Variants in NOX1 observed in about 807,000 individuals in gnomAD.
NOX1 encodes the protein NADH/NADPH mitogenic oxidase subunit P65-MOX.
A neutral mutation model predicts 42.5 loss-of-function variants in NOX1; 34 were observed. That is an observed-to-expected ratio of 0.80 (90% CI 0.61 to 1.07). The LOEUF (loss-of-function observed/expected upper bound fraction) is 1.07, where lower values mean the gene tolerates loss of function less well. Among genes scored for constraint, NOX1 ranks in the 50% least tolerant of loss-of-function variants. The probability of loss-of-function intolerance (pLI) is 0.00; values close to 1 mark genes in which losing one functional copy is unlikely to be tolerated. For missense variants in NOX1, 408 were observed against 427.0 expected (o/e 0.96, Z 0.39); for synonymous variants, 143 against 152.5 (o/e 0.94, Z 0.46).
intron 9 of NOX1, 61 bp from the exon 10 acceptor site, chrX:100,849,995 A>G: frequency 9.3e-7 from 1 of 1,075,743 alleles, no homozygotes; most frequent in South Asian, 2.2e-5. Flanking sequence ...AACCTCAAAC[A>G]TCCTCCCAGA....
chrX:100,871,519 T>G (rs746660448), intron 1 of NOX1, among the ~76,000 whole-genome samples: 1 of 112,712 alleles, frequency 8.9e-6, no homozygotes, highest in African/African-American at 3.2e-5. Flanking sequence ...ACACACATTT[T>G]TCTGTTTTCA....
At chrX:100,852,982 A>G (rs1005576459) in intron 7 of NOX1, among the ~76,000 whole-genome samples, 60 of 112,171 alleles carry the variant, frequency 5.3e-4, no homozygotes, top group African/African-American at 1.8e-3. Flanking sequence ...TTGAACATGC[A>G]TTTCACAGGG....
chrX:100,851,299 G>C lies in NOX1; in HGVS notation c.831C>G (p.Val277=). 8.4e-7 allele frequency: 1 copy of C among 1,188,923 alleles called. No homozygotes were observed. Among genetic ancestry groups the C allele is most frequent in the Non-Finnish European group, 1.1e-6 (1 of 878,466 alleles). ...GGATCCTTTCACAGATATAAAGAAT[G>C]ACCGGTGCAAGGATCCACTTCCAAG... The part of the protein sequence containing the change: ...PESWKWILAP[V]ILYICERILR... The change falls in exon 8 of 13, where the codon GTC becomes GTG. Residue 277 remains valine, a synonymous_variant. Coordinates refer to ENST00000372966, the MANE Select transcript of NOX1 (RefSeq NM_007052.5).
intron 1 of NOX1, among the ~76,000 whole-genome samples, chrX:100,871,154 G>T (rs1174261428): frequency 1.8e-5 from 2 of 112,253 alleles, no homozygotes; most frequent in Non-Finnish European, 3.8e-5. Context: ...TGTGGCATGT[G>T]AAAGTTATAT....
chrX:100,862,685 A>T lies in NOX1; in HGVS notation c.473T>A (p.Ile158Asn). Reference protein sequence around the residue: ...EKKGGSWLNPIQSRNTTVEYV... With the variant: ...EKKGGSWLNPNQSRNTTVEYV... Reference sequence around the variant, plus strand: ...TCAACTCACCGTGTTTCGGGACTGGATGGGATTTAGCCAAGAACCCCCCTT... The same window carrying T: ...TCAACTCACCGTGTTTCGGGACTGGTTGGGATTTAGCCAAGAACCCCCCTT... The change falls in exon 5 of 13, where the codon ATC becomes AAC. Residue 158 changes from isoleucine (I) to asparagine (N), a missense_variant. Transcript: ENST00000372966. 1 of 1,195,657 alleles carries T rather than the reference A, an allele frequency of 8.4e-7. No individual in the cohort carries two copies. Among genetic ancestry groups the T allele is most frequent in the Non-Finnish European group, 1.1e-6 (1 of 889,715 alleles).
chrX:100,870,626 CT>C, intron 2 of NOX1, 92 bp downstream of exon 2: 1 of 632,775 alleles, frequency 1.6e-6, no homozygotes, highest in Non-Finnish European at 2.6e-6. Context: ...AACCCTAGCC[CT>C]AGAGAATATC....
In NOX1 at chrX:100,849,659, T is replaced by C. The variant is rs2085098944; in HGVS notation, c.1296+113A>G. On this transcript the variant is annotated intron_variant, in intron 10 of 12. Transcript: ENST00000372966. The stretch of plus-strand genomic sequence containing the variant: ...CTGGCCAAGAGAAGTGATCACTTAT[T>C]CTCATAACTCCAGGGATAGGTTGCT... 6 of 765,162 alleles carry C rather than the reference T, an allele frequency of 7.8e-6. No homozygotes were observed. The South Asian group carries it at 1.7e-4, about 22-fold the overall frequency. The allele number at this position is 765,162 out of a possible 1,213,427, so 63.1% of individuals were successfully genotyped here. A position where few individuals can be genotyped will look rare whatever the true frequency, so the allele number is the denominator to read the frequency against.
chrX:100,873,780 A>G (rs1257738805), intron 1 of NOX1, among the ~76,000 whole-genome samples: 1 of 111,707 alleles, frequency 9.0e-6, no homozygotes, highest in East Asian at 2.8e-4. Flanking sequence ...TCTTGATGGG[A>G]CCAGTATAGG....
chrX:100,862,904 A>AGT, intron 4 of NOX1, 84 bp from the exon 5 acceptor site: 1 of 902,069 alleles, frequency 1.1e-6, no homozygotes, highest in Non-Finnish European at 1.6e-6. Context: ...GAAGAATCCT[A>AGT]CATTATAGTG....
chrX:100,848,615 G>A lies in NOX1; in HGVS notation c.1568+15C>T. The A allele has an allele frequency of 8.3e-7, 1 of 1,206,802 alleles. No homozygotes were observed. The highest frequency in any genetic ancestry group is 1.1e-6 in the Non-Finnish European group (1 of 892,254). Reference sequence around the variant, plus strand: ...GCCCCTGTAAACTCATCTTACTAGAGGAAAATATACTTACTTGGGGTGGGA... The same window carrying A: ...GCCCCTGTAAACTCATCTTACTAGAAGAAAATATACTTACTTGGGGTGGGA... On this transcript the variant is annotated intron_variant, in intron 12 of 12. Coordinates refer to ENST00000372966, the MANE Select transcript of NOX1 (RefSeq NM_007052.5).
At chrX:100,873,527 A>G (rs2085288751) in intron 1 of NOX1, among the ~76,000 whole-genome samples, 2 of 112,361 alleles carry the variant, frequency 1.8e-5, no homozygotes. Context: ...AAATAAAAAT[A>G]TGTAAATTAG....
Position 100,843,953 on chromosome X carries a change from C to A in NOX1, c.1694G>T (p.Ter565LeuextTer30). Residue 565 changes from the stop codon to leucine (L), a stop_lost, in exon 13 of 13, where the codon TGA (stop) becomes TTA (leucine). Transcript: ENST00000372966. ...GATTACCGTCCTTATTCCTATAACT[C>A]AAAAATTTTCTTTGTTGAAGTAGAA... ...VQFYFNKENF[*>L] 8.3e-7 allele frequency: 1 copy of A among 1,203,233 alleles called. No individual in the cohort carries two copies. Among genetic ancestry groups the A allele is most frequent in the Non-Finnish European group, 1.1e-6 (1 of 888,847 alleles).
At position 100,851,292 on chromosome X, in the gene NOX1, A is replaced by T. The variant is rs1289739540; in HGVS notation, c.838T>A (p.Tyr280Asn). The T allele has an allele frequency of 8.4e-7, 1 of 1,194,403 alleles. No homozygotes were observed. Among genetic ancestry groups the T allele is most frequent in the Non-Finnish European group, 1.1e-6 (1 of 882,643 alleles). The change falls in exon 8 of 13, where the codon TAT becomes AAT. Residue 280 changes from tyrosine to asparagine, a missense_variant. By Grantham distance (143) the Tyr-to-Asn change is moderately radical. Coordinates refer to ENST00000372966, the MANE Select transcript of NOX1 (RefSeq NM_007052.5). The part of the protein sequence containing the change: ...WKWILAPVIL[Y>N]ICERILRFYR... ...AACCGGAGGATCCTTTCACAGATAT[A>T]AAGAATGACCGGTGCAAGGATCCAC...
In NOX1 at chrX:100,862,532, A is replaced by G. The variant is rs1602390652; in HGVS notation, c.531T>C (p.Thr177=). 1 of 1,211,117 alleles carries G rather than the reference A, an allele frequency of 8.3e-7. No individual in the cohort carries two copies. Among genetic ancestry groups the G allele is most frequent in the Admixed American group, 2.2e-5 (1 of 46,021 alleles). ...YVTFTSIAGL[T]GVIMTIALIL... ...TCAAGGCTATTGTCATGATCACTCCAGTGAGACCAGCAATGCTGGTGAATG... is the reference window on the plus strand; with the variant it reads ...TCAAGGCTATTGTCATGATCACTCCGGTGAGACCAGCAATGCTGGTGAATG... The change falls in exon 6 of 13, where the codon ACT becomes ACC. Residue 177 remains threonine, a synonymous_variant. Coordinates refer to ENST00000372966, the MANE Select transcript of NOX1 (RefSeq NM_007052.5).
chrX:100,856,500 G>T, intron 7 of NOX1: 1 of 315,886 alleles, frequency 3.2e-6, no homozygotes, highest in Non-Finnish European at 5.6e-6. Context: ...CAGATCCCTG[G>T]TTATGATCTT....
chrX:100,847,621 C>A (rs2085082325), intron 12 of NOX1, among the ~76,000 whole-genome samples: 1 of 109,005 alleles, frequency 9.2e-6, no homozygotes, highest in Admixed American at 9.9e-5. Context: ...AACAAATTAG[C>A]TGGGCATGGT....
At chrX:100,869,049 T>C (rs750702061) in intron 2 of NOX1, among the ~76,000 whole-genome samples, 372 of 111,585 alleles carry the variant, frequency 3.3e-3, no homozygotes, top group Non-Finnish European at 5.3e-3. Context: ...TACCATGCTG[T>C]TTTGGTTACT....
chrX:100,874,196 T>G lies in NOX1; in HGVS notation c.-57A>C. 5.9e-6 allele frequency: 5 copies of G among 843,187 alleles called. No homozygotes were observed. Among genetic ancestry groups the G allele is most frequent in the Non-Finnish European group, 7.0e-6 (4 of 568,060 alleles). The allele number at this position is 843,187 out of a possible 1,213,427, so 69.5% of individuals were successfully genotyped here. On this transcript the variant is annotated 5_prime_UTR_variant, in exon 1 of 13. Coordinates refer to ENST00000372966, the MANE Select transcript of NOX1 (RefSeq NM_007052.5). Reference sequence around the variant, plus strand: ...AACAGGGAAGATTCAGCAATCCGGATTCTGGAGAGGTCCTTCAGGAATGGA... The same window carrying G: ...AACAGGGAAGATTCAGCAATCCGGAGTCTGGAGAGGTCCTTCAGGAATGGA...
chrX:100,855,659 A>G, intron 7 of NOX1: 2 of 1,026,559 alleles, frequency 1.9e-6, no homozygotes, highest in East Asian at 3.1e-5. Context: ...AACCACCATC[A>G]TTACCAAATC....
Sources: allele counts gnomAD v4.1 joint callset (sites outside exome capture counted in the v4.1 genomes callset), GRCh38; gene constraint gnomAD v4.1.1; transcripts MANE v1.5; gene names NCBI Gene and HGNC (gene_info 2026-07-23, HGNC 2026-07-21).